Variants in NAALADL2 observed in about 807,000 individuals in gnomAD.
NAALADL2 encodes inactive N-acetylated-alpha-linked acidic dipeptidase-like protein 2.
Under a neutral mutation model 87.2 loss-of-function variants are expected in NAALADL2, and 76 were observed. The ratio of observed to expected loss-of-function variants is 0.87; its 90% CI spans 0.72 to 1.05. The LOEUF is 1.05. NAALADL2 is among the 50% of genes least tolerant of loss of function. The pLI is 0.00. For missense variants in NAALADL2, 1,089 were observed against 945.8 expected (o/e 1.15, Z -1.99); for synonymous variants, 354 against 331.0 (o/e 1.07, Z -0.75).
chr3:175,608,710 T>C (rs62284510), intron 10 of NAALADL2, among the ~76,000 whole-genome samples: 28,841 of 152,064 alleles, frequency 0.19, 3,105 homozygotes, highest in African/African-American at 0.28. Context: ...AGTTGTATAA[T>C]AGGTTAAATT....
At chr3:174,926,140 GAA>G (rs776442942) in intron 1 of NAALADL2, among the ~76,000 whole-genome samples, 1 of 152,120 alleles carries the variant, frequency 6.6e-6, no homozygotes, top group Non-Finnish European at 1.5e-5. Context: ...AATGAAGCGA[GAA>G]GAGAAGTTTA....
intron 2 of NAALADL2, among the ~76,000 whole-genome samples, chr3:174,649,805 C>T (rs1724170976): frequency 6.6e-6 from 1 of 152,118 alleles, no homozygotes; most frequent in Non-Finnish European, 1.5e-5. Context: ...GAAGATGAGA[C>T]ATAGGGTTCC....
At chr3:175,265,733 G>A (rs1443784498) in intron 4 of NAALADL2, among the ~76,000 whole-genome samples, 1 of 151,400 alleles carries the variant, frequency 6.6e-6, no homozygotes, top group African/African-American at 2.4e-5. Flanking sequence ...AACGTATATG[G>A]TTTTGAAATC....
At chr3:174,809,429 T>A (rs1719899694) in intron 3 of NAALADL2, among the ~76,000 whole-genome samples, 3 of 152,204 alleles carry the variant, frequency 2.0e-5, no homozygotes, top group Non-Finnish European at 2.9e-5. Context: ...ATGTTCCATA[T>A]CAATATGTTC....
At chr3:175,632,271 TC>T (rs1351843688) in intron 11 of NAALADL2, among the ~76,000 whole-genome samples, 147 of 56,910 alleles carry the variant, frequency 2.6e-3, no homozygotes, top group Non-Finnish European at 3.8e-3. Flanking sequence ...TCCCCTTCTC[TC>T]TCTCTCTCTC....
chr3:175,339,125 A>G (rs1168836823), intron 5 of NAALADL2, among the ~76,000 whole-genome samples: 1 of 152,218 alleles, frequency 6.6e-6, no homozygotes, highest in East Asian at 1.9e-4. Context: ...GCCATTCTTC[A>G]GCAGACTTGA....
chr3:175,327,148 CTT>C (rs35198621), intron 5 of NAALADL2, among the ~76,000 whole-genome samples: 1,550 of 99,506 alleles, frequency 0.016, 23 homozygotes, highest in African/African-American at 0.06. Context: ...GTCTACATTT[CTT>C]TTTTTTTTTT....
At chr3:174,460,276 A>G (rs1716130645) in intron 1 of NAALADL2, among the ~76,000 whole-genome samples, 1 of 152,114 alleles carries the variant, frequency 6.6e-6, no homozygotes, top group Non-Finnish European at 1.5e-5. Flanking sequence ...TTGTTCATGT[A>G]TTAAAACAGT....
Position 175,017,029 on chromosome 3 carries a change from C to T in NAALADL2, c.44-79761C>T, listed in dbSNP as rs189316124. ...ACGTCTCATTTCTTCCATCTACCTG[C>T]GTTTTTGTACCAATTAATCATCTAC... On this transcript the variant is annotated intron_variant, in intron 1 of 13. Transcript: ENST00000454872. Among the ~76,000 whole-genome samples the T allele has an allele frequency of 1.5e-4, 22 of 149,448 alleles. No individual in the cohort carries two copies. The East Asian group carries it at 2.3e-3, about 16-fold the overall frequency.
At chr3:175,049,250 C>G (rs181137098) in intron 1 of NAALADL2, among the ~76,000 whole-genome samples, 8 of 152,196 alleles carry the variant, frequency 5.3e-5, no homozygotes, top group Admixed American at 3.3e-4. Flanking sequence ...CATGGATATG[C>G]TAGACCAAGG....
At chr3:174,721,034 T>C (rs1319600601) in intron 2 of NAALADL2, among the ~76,000 whole-genome samples, 9 of 152,216 alleles carry the variant, frequency 5.9e-5, no homozygotes, top group Admixed American at 5.9e-4. Context: ...CCAGACATAC[T>C]GATAGAGATA....
intron 9 of NAALADL2, among the ~76,000 whole-genome samples, chr3:175,514,957 G>C (rs1731641397): frequency 6.6e-6 from 1 of 152,116 alleles, no homozygotes; most frequent in African/African-American, 2.4e-5. Context: ...ATTACCCATG[G>C]AGCTATAATA....
At chr3:174,528,269 A>G (rs976794357) in intron 1 of NAALADL2, among the ~76,000 whole-genome samples, 3 of 152,186 alleles carry the variant, frequency 2.0e-5, no homozygotes, top group Admixed American at 1.3e-4. Flanking sequence ...CATTTCATTT[A>G]GATTATAAAC....
intron 11 of NAALADL2, among the ~76,000 whole-genome samples, chr3:175,726,746 G>T (rs1319077139): frequency 2.0e-5 from 3 of 152,152 alleles, no homozygotes; most frequent in African/African-American, 7.2e-5. Context: ...TTTTGAGGGA[G>T]TACCCAAACT....
chr3:174,564,692 T>C (rs1348741183), intron 2 of NAALADL2, among the ~76,000 whole-genome samples: 3 of 152,150 alleles, frequency 2.0e-5, no homozygotes, highest in Non-Finnish European at 4.4e-5. Flanking sequence ...GCACATACAA[T>C]TGAGAATTGT....
intron 3 of NAALADL2, among the ~76,000 whole-genome samples, chr3:174,832,655 A>T (rs924297017): frequency 6.6e-6 from 1 of 151,976 alleles, no homozygotes; most frequent in African/African-American, 2.4e-5. Flanking sequence ...TTTAGTAGAG[A>T]CAGGGTTTCA....
chr3:174,729,104 T>C (rs1732464808), intron 2 of NAALADL2, among the ~76,000 whole-genome samples: 1 of 152,020 alleles, frequency 6.6e-6, no homozygotes, highest in Non-Finnish European at 1.5e-5. Context: ...TTTTAGAGTG[T>C]ATTAGTAAAT....
chr3:174,873,921 G>C (rs1326373666), intron 1 of NAALADL2, among the ~76,000 whole-genome samples: 1 of 151,886 alleles, frequency 6.6e-6, no homozygotes, highest in African/African-American at 2.4e-5. Flanking sequence ...TAAATGAAAA[G>C]GGTATTTCAA....
chr3:174,523,164 A>G (rs1372044341), intron 1 of NAALADL2, among the ~76,000 whole-genome samples: 1 of 152,122 alleles, frequency 6.6e-6, no homozygotes, highest in Non-Finnish European at 1.5e-5. Flanking sequence ...TTGTTATGTT[A>G]TAGCAGCTTG....
Sources: allele counts gnomAD v4.1 joint callset (sites outside exome capture counted in the v4.1 genomes callset), GRCh38; gene constraint gnomAD v4.1.1; transcripts MANE v1.5; gene names NCBI Gene and HGNC (gene_info 2026-07-23, HGNC 2026-07-21).